DMBT1: variants seen among roughly 807,000 people sequenced by gnomAD.
The protein encoded by DMBT1 is deleted in malignant brain tumors 1, also known as scavenger receptor cysteine-rich domain-containing protein DMBT1.
DMBT1 carries 198 observed loss-of-function variants against 252.9 expected under a neutral mutation model. That is an observed-to-expected ratio of 0.78 (90% CI 0.70 to 0.88). DMBT1 has a LOEUF of 0.88. Ranked by LOEUF, DMBT1 falls within the 40% of genes least tolerant of loss-of-function variation. The pLI, the probability that DMBT1 is intolerant of heterozygous loss-of-function variation, is 0.00. For missense variants in DMBT1, 2,432 were observed against 2,404.7 expected (o/e 1.01, Z -0.24); for synonymous variants, 990 against 942.7 (o/e 1.05, Z -0.92).
intron 49 of DMBT1, 145 bp downstream of exon 49, chr10:122,631,426 AG>A (rs1591554528): frequency 9.5e-7 from 1 of 1,047,762 alleles, no homozygotes; most frequent in Non-Finnish European, 1.4e-6. Flanking sequence ...AAGAGCATGC[AG>A]GGGGCTGCTT....
Position 122,586,219 on chromosome 10 carries a change from C to A in DMBT1, c.1619C>A (p.Ala540Asp), listed in dbSNP as rs1455425541. ...TGCAGGCAGCTGGGCTGTGGCTGGG[C>A]CATGTTGGCCCCAGGAAATGCCCGG... The part of the protein sequence containing the change: ...VVCRQLGCGW[A>D]MLAPGNARFG... The change falls in exon 16 of 56, where the codon GCC becomes GAC. Residue 540 changes from alanine (A) to aspartate (D), a missense_variant. Coordinates refer to ENST00000338354, the MANE Select transcript of DMBT1 (RefSeq NM_001377530.1). 1 of 1,588,810 alleles carries A rather than the reference C, an allele frequency of 6.3e-7. No individual in the cohort carries two copies. The highest frequency in any genetic ancestry group is 1.3e-5 in the African/African-American group (1 of 74,484).
intron 46 of DMBT1, among the ~76,000 whole-genome samples, chr10:122,627,021 A>G (rs1357249216): frequency 2.0e-5 from 3 of 152,162 alleles, no homozygotes; most frequent in Non-Finnish European, 4.4e-5. Context: ...GTGAGGCCAG[A>G]TCATTCAGGG....
Position 122,586,154 on chromosome 10 carries a change from G to A in DMBT1, c.1554G>A (p.Val518=). 1 of 1,589,320 alleles carries A rather than the reference G, an allele frequency of 6.3e-7. No individual in the cohort carries two copies. The highest frequency in any genetic ancestry group is 8.6e-7 in the Non-Finnish European group (1 of 1,166,136). The change falls in exon 16 of 56, where the codon GTG becomes GTA. Residue 518 remains valine (V), a synonymous_variant. Coordinates refer to ENST00000338354, the MANE Select transcript of DMBT1 (RefSeq NM_001377530.1). ...EVLYRGSWGT[V]CDDSWDTNDA... is the part of the protein sequence containing the mutation. ...TATACCGAGGCTCCTGGGGCACCGT[G>A]TGTGATGACAGCTGGGACACCAATG...
rs1555036646 is a variant in DMBT1 at position 122,638,311 on chromosome 10, T to TCGTTCACACC, written c.6942+1001_6942+1010dup. Among the ~76,000 whole-genome samples, 6 of 141,752 alleles carry TCGTTCACACC rather than the reference T, an allele frequency of 4.2e-5. No individual in the cohort carries two copies. The South Asian group carries it at 6.7e-4, about 16-fold the overall frequency. The allele number at this position is 141,752 out of a possible 152,430, so 93.0% of individuals were successfully genotyped here. A position where few individuals can be genotyped will look rare whatever the true frequency, so the allele number is the denominator to read the frequency against. On this transcript the variant is annotated intron_variant, in intron 54 of 55. Transcript: ENST00000338354. ...CACACCCATTCACACCCATTCACAC[T>TCGTTCACACC]CGTTCACACCCATTCACACCCGTTT...
intron 1 of DMBT1, among the ~76,000 whole-genome samples, chr10:122,562,033 C>G (rs1301193415): frequency 1.3e-5 from 2 of 151,788 alleles, no homozygotes; most frequent in Middle Eastern, 3.4e-3. Context: ...TTCTCTCTCA[C>G]TCTTTCTCAT....
At chr10:122,587,887 A>G (rs1417635419) in intron 16 of DMBT1, among the ~76,000 whole-genome samples, 1 of 148,454 alleles carries the variant, frequency 6.7e-6, no homozygotes, top group Non-Finnish European at 1.5e-5. Flanking sequence ...AACCCTTTGT[A>G]GCTGAGAAGA....
At position 122,630,007 on chromosome 10, in the gene DMBT1, G is replaced by A. The variant is rs750342783; in HGVS notation, c.5822+14G>A. On this transcript the variant is annotated intron_variant, in intron 47 of 55. Transcript: ENST00000338354. The stretch of plus-strand genomic sequence containing the variant: ...CAGTAATCTGAAGTAAGTAATGCCT[G>A]GTCATCTGGTGAGGGGTGAGTTCCT... The A allele has an allele frequency of 3.8e-5, 62 of 1,613,720 alleles. No homozygotes were observed. The highest frequency in any genetic ancestry group is 5.0e-5 in the Non-Finnish European group (59 of 1,179,750).
In DMBT1 at chr10:122,635,972, G is replaced by A. The variant is rs749291099; in HGVS notation, c.6549-19G>A. The A allele has an allele frequency of 9.9e-6, 16 of 1,613,318 alleles. No individual in the cohort carries two copies. The Admixed American group carries it at 1.3e-4, about 13-fold the overall frequency. The stretch of plus-strand genomic sequence containing the variant: ...TTCTGGGAGGAAATGAAGCCAAATG[G>A]TGTGTCCTCTCTCTGCAGGCTTGAA... On this transcript the variant is annotated intron_variant, in intron 52 of 55. Transcript: ENST00000338354.
At chr10:122,617,922 C>T (rs3013173) in intron 40 of DMBT1, 95 bp from the exon 41 acceptor site, 38,160 of 1,569,240 alleles carry the variant, frequency 0.024, 1,822 homozygotes, top group East Asian at 0.15. Flanking sequence ...GCCCAGGTGA[C>T]TCTGGCCATT....
At chr10:122,628,938 A>G (rs924845818) in intron 46 of DMBT1, among the ~76,000 whole-genome samples, 1 of 152,140 alleles carries the variant, frequency 6.6e-6, no homozygotes, top group East Asian at 1.9e-4. Context: ...GCTAAAAACC[A>G]TGGACTTATC....
intron 50 of DMBT1, 56 bp downstream of exon 50, chr10:122,631,931 G>A (rs1488044069): frequency 6.3e-7 from 1 of 1,581,532 alleles, no homozygotes. Context: ...CTCCATTACT[G>A]CTGCCTAGAC....
rs755226740 is a variant in DMBT1, at chr10:122,630,972, A to T, written c.6037A>T (p.Arg2013Trp). 1.1e-5 allele frequency: 17 copies of T among 1,600,204 alleles called. No individual in the cohort carries two copies. The African/African-American group carries it at 2.0e-4, about 19-fold the overall frequency. ...YNSFPSDATL[R>W]LVNLNSSYGL... The stretch of plus-strand genomic sequence containing the variant: ...AATGTGTCTTTCAGATGCCACCTTG[A>T]GGTTGGTCAATTTAAATTCATCCTA... Residue 2013 changes from arginine to tryptophan, a missense_variant, in exon 49 of 56, where the codon AGG becomes TGG. Around this residue, in one of 3 missense-constraint regions of DMBT1, gnomAD observed 1,162 missense variants for 1,169.0 expected, o/e 0.99. Transcript: ENST00000338354.
intron 1 of DMBT1, 105 bp downstream of exon 1, chr10:122,560,936 G>T: frequency 1.2e-6 from 1 of 804,992 alleles, no homozygotes; most frequent in African/African-American, 1.7e-5. Flanking sequence ...ATATCAAAGA[G>T]TGGGTAGCAC....
chr10:122,635,974 G>T lies in DMBT1; in HGVS notation c.6549-17G>T. 1 of 1,613,524 alleles carries T rather than the reference G, an allele frequency of 6.2e-7. No homozygotes were observed. The highest frequency in any genetic ancestry group is 8.5e-7 in the Non-Finnish European group (1 of 1,179,824). On this transcript the variant is annotated splice_polypyrimidine_tract_variant and intron_variant, in intron 52 of 55. Coordinates refer to ENST00000338354, the MANE Select transcript of DMBT1 (RefSeq NM_001377530.1). Reference sequence around the variant, plus strand: ...CTGGGAGGAAATGAAGCCAAATGGTGTGTCCTCTCTCTGCAGGCTTGAAGG... The same window carrying T: ...CTGGGAGGAAATGAAGCCAAATGGTTTGTCCTCTCTCTGCAGGCTTGAAGG...
intron 40 of DMBT1, 67 bp downstream of exon 40, chr10:122,617,327 T>C (rs183165004): frequency 5.0e-5 from 77 of 1,552,618 alleles, no homozygotes; most frequent in Non-Finnish European, 6.5e-5. Context: ...TTGAAACTGA[T>C]AGGATGAGGC....
At chr10:122,575,668 G>A (rs1459817405) in intron 6 of DMBT1, among the ~76,000 whole-genome samples, 2 of 152,126 alleles carry the variant, frequency 1.3e-5, no homozygotes, top group African/African-American at 2.4e-5. Context: ...CTATATCCAT[G>A]GGCTTTACTG....
chr10:122,593,601 AG>A lies in DMBT1; in HGVS notation c.2530+5del, dbSNP rs2097871404. ...GTCCCGGCCGACACCCAGTCCAGGT[AG>A]GTCCCCAGTGTCCTTCCTCAAAATG... On this transcript the variant is annotated splice_donor_region_variant and intron_variant, in intron 21 of 55. Transcript: ENST00000338354. 6.3e-7 allele frequency: 1 copy of A among 1,586,866 alleles called. No individual in the cohort carries two copies.
intron 20 of DMBT1, among the ~76,000 whole-genome samples, chr10:122,593,361 A>G (rs982294752): frequency 6.8e-6 from 1 of 147,714 alleles, no homozygotes; most frequent in African/African-American, 2.4e-5. Context: ...CAATTTGATC[A>G]CCTCAGAGCT....
chr10:122,621,099 A>G lies in DMBT1; in HGVS notation c.5327A>G (p.Asp1776Gly), dbSNP rs755912293. 6.2e-7 allele frequency: 1 copy of G among 1,613,546 alleles called. No homozygotes were observed. Among genetic ancestry groups the G allele is most frequent in the South Asian group, 1.1e-5 (1 of 91,048 alleles). The change falls in exon 44 of 56, where the codon GAC (aspartate) becomes GGC (glycine). Residue 1776 changes from aspartate to glycine, a missense_variant. Physicochemically the swap from Asp to Gly is moderately conservative, Grantham distance 94. This residue lies in a region of DMBT1 where 1,162 missense variants were observed against 1,169.0 expected (regional missense o/e 0.99). Coordinates refer to ENST00000338354, the MANE Select transcript of DMBT1 (RefSeq NM_001377530.1). ...SLALRLVNGG[D>G]RCRGRVEVLY... ...GCTCTGAGGCTGGTGAATGGAGGTG[A>G]CAGGTGTCGAGGCCGAGTGGAGGTC...
Sources: gnomAD v4.1 joint callset for allele counts (sites outside exome capture counted in the v4.1 genomes callset) on GRCh38, gnomAD v4.1.1 for gene constraint, gnomAD v4.1.1 regional missense constraint, MANE v1.5 for transcripts, NCBI Gene and HGNC (gene_info 2026-07-23, HGNC 2026-07-21) for gene names.